UBAP1L: variants seen among roughly 807,000 people sequenced by gnomAD.
UBAP1L encodes the protein ubiquitin-associated protein 1-like.
A neutral mutation model predicts 32.1 loss-of-function variants in UBAP1L; 32 were observed. The observed-to-expected ratio is 1.00, with a 90% CI of 0.75 to 1.34. The LOEUF (loss-of-function observed/expected upper bound fraction) is 1.34. Among genes scored for constraint, UBAP1L ranks in the 40% most tolerant of loss-of-function variants. UBAP1L has a pLI of 0.00. For synonymous variants in UBAP1L, 243 were observed against 250.2 expected (o/e 0.97, Z 0.27); for missense variants, 516 against 540.5 (o/e 0.95, Z 0.45).
Position 65,093,117 on chromosome 15 carries a change from G to T in UBAP1L, c.1126C>A (p.Leu376Met). ...GNRREQALEELVACAQ is the reference protein window; with the variant it reads ...GNRREQALEEMVACAQ The stretch of plus-strand genomic sequence containing the variant: ...CGTGGTCACTGGGCACAGGCCACCA[G>T]CTCCTCCAGGGCTTGCTCTCGGCGG... The change falls in exon 6 of 6, where the codon CTG (leucine) becomes ATG (methionine). Residue 376 changes from leucine (L) to methionine (M), a missense_variant. Leu to Met is a conservative substitution (Grantham distance 15). Coordinates refer to ENST00000559089, the MANE Select transcript of UBAP1L (RefSeq NM_001163692.2). The T allele has an allele frequency of 6.5e-7, 1 of 1,549,228 alleles. No homozygotes were observed. The highest frequency in any genetic ancestry group is 8.7e-7 in the Non-Finnish European group (1 of 1,146,502).
At chr15:65,107,995 G>A (rs2087335757) in intron 1 of UBAP1L, among the ~76,000 whole-genome samples, 1 of 151,670 alleles carries the variant, frequency 6.6e-6, no homozygotes, top group Admixed American at 6.6e-5. Context: ...AAATTGGCAA[G>A]CTAATTCTAA....
At chr15:65,109,284 C>T (rs1446410158) in intron 1 of UBAP1L, among the ~76,000 whole-genome samples, 1 of 151,536 alleles carries the variant, frequency 6.6e-6, no homozygotes, top group Admixed American at 6.6e-5. Flanking sequence ...GAGATCGAGA[C>T]CATTCTGGCT....
At chr15:65,101,973 G>A (rs2087244147) in intron 3 of UBAP1L, 133 bp downstream of exon 3, 2 of 354,864 alleles carry the variant, frequency 5.6e-6, no homozygotes, top group Admixed American at 4.8e-5. Flanking sequence ...TACAGGCCCA[G>A]GTGGGAGCAG....
At position 65,106,108 on chromosome 15, in the gene UBAP1L, C is replaced by T. The variant is rs978697910; in HGVS notation, c.108G>A (p.Leu36=). The T allele has an allele frequency of 1.9e-6, 3 of 1,551,266 alleles. No homozygotes were observed. Among genetic ancestry groups the T allele is most frequent in the South Asian group, 2.4e-5 (2 of 84,004 alleles). ...GAGACACACTTACCATAGAACCCAG[C>T]AGAACTTCCCCGCAGGCCGGGACGC... is the stretch of plus-strand genomic sequence containing the variant. The part of the protein sequence containing the change: ...ELSVPACGEV[L]LGSMHDFSLE... The change falls in exon 2 of 6, where the codon CTG becomes CTA. Residue 36 remains leucine (L), a synonymous_variant. Transcript: ENST00000559089.
chr15:65,115,186 C>T lies in UBAP1L; in HGVS notation c.-210G>A, dbSNP rs1234061446. On this transcript the variant is annotated 5_prime_UTR_variant, in exon 1 of 6. Coordinates refer to ENST00000559089, the MANE Select transcript of UBAP1L (RefSeq NM_001163692.2). ...CAGGAGAACTTCCCTGCAGACAAAG[C>T]GTGTATAAATGAATAGCTACAACAG... 6.6e-6 allele frequency: 1 copy of T among 152,164 alleles called. No individual in the cohort carries two copies. Among genetic ancestry groups the T allele is most frequent in the Non-Finnish European group, 1.5e-5 (1 of 68,022 alleles). The allele number at this position is 152,164 out of a possible 1,614,324, so 9.4% of individuals were successfully genotyped here.
intron 2 of UBAP1L, chr15:65,105,836 G>C (rs1455604038): frequency 1.4e-6 from 1 of 697,016 alleles, no homozygotes; most frequent in African/African-American, 1.7e-5. Context: ...CTGTCGCCAG[G>C]CTGAAATGCA....
chr15:65,114,860 A>T (rs1389958968), intron 1 of UBAP1L, among the ~76,000 whole-genome samples: 1 of 152,232 alleles, frequency 6.6e-6, no homozygotes, highest in Non-Finnish European at 1.5e-5. Context: ...TCCAAAAGGC[A>T]AATGAACTCT....
At chr15:65,104,435 G>A (rs8035391) in intron 2 of UBAP1L, among the ~76,000 whole-genome samples, 150,945 of 152,358 alleles carry the variant, frequency 0.99, 74,773 homozygotes, top group Middle Eastern at 1. Context: ...TTAAAATATA[G>A]AAGTTCAATA....
Position 65,102,637 on chromosome 15 carries a change from G to A in UBAP1L, c.168C>T (p.Ala56=), listed in dbSNP as rs1056255774. 2.0e-5 allele frequency: 31 copies of A among 1,549,002 alleles called. No individual in the cohort carries two copies. Among genetic ancestry groups the A allele is most frequent in the East Asian group, 7.3e-5 (3 of 40,870 alleles). Residue 56 remains alanine (A), a synonymous_variant, in exon 3 of 6, where the codon GCC becomes GCT. Transcript: ENST00000559089. This position sits in a 1 kb window ranked among gnomAD's most constrained non-coding sequence, Gnocchi z 5.0. ...ACTGGTACGGGCTGGGTCCCTGGCC[G>A]GCGGCCTCCACCCAGAAGAGTGCCG... is the stretch of plus-strand genomic sequence containing the variant. The part of the protein sequence containing the change: ...ERTALFWVEA[A]GQGPSPYQCG...
At chr15:65,105,949 C>T (rs1461202614) in intron 2 of UBAP1L, 147 bp downstream of exon 2, 6 of 1,169,630 alleles carry the variant, frequency 5.1e-6, no homozygotes. Flanking sequence ...CGTCACCACA[C>T]CCAGCTAATT....
intron 1 of UBAP1L, among the ~76,000 whole-genome samples, chr15:65,109,300 G>A (rs954558849): frequency 8.6e-5 from 13 of 151,696 alleles, no homozygotes; most frequent in Non-Finnish European, 1.5e-4. Context: ...TGGCTAACAT[G>A]GTGAAACCCC....
rs750709741 is a variant in UBAP1L at position 65,094,512 on chromosome 15, T to C, written c.974A>G (p.Asp325Gly). The C allele has an allele frequency of 1.3e-6, 2 of 1,551,454 alleles. No homozygotes were observed. The highest frequency in any genetic ancestry group is 1.7e-6 in the Non-Finnish European group (2 of 1,146,920). ...GAACTGGAACATCTCCATGGCCTCA[T>C]CCACCAGGCCTTCCTCATATCCCTG... ...LRQGYEEGLVDEAMEMFQFSE... is the reference protein window; with the variant it reads ...LRQGYEEGLVGEAMEMFQFSE... Residue 325 changes from aspartate to glycine, a missense_variant, in exon 5 of 6, where the codon GAT becomes GGT. Transcript: ENST00000559089. This position sits in a 1 kb window ranked among gnomAD's most constrained non-coding sequence, Gnocchi z 4.2.
chr15:65,106,720 A>G (rs1233789612), intron 1 of UBAP1L, among the ~76,000 whole-genome samples: 1 of 150,520 alleles, frequency 6.6e-6, no homozygotes, highest in Admixed American at 6.6e-5. Context: ...GCCTCACTGC[A>G]ACCTCCAGCT....
chr15:65,105,854 A>G, intron 2 of UBAP1L: 1 of 690,384 alleles, frequency 1.4e-6, no homozygotes, highest in Non-Finnish European at 2.6e-6. Context: ...GCAGTGGCAC[A>G]ATCTTGGTTC....
intron 1 of UBAP1L, among the ~76,000 whole-genome samples, chr15:65,109,796 G>C (rs567979433): frequency 6.6e-6 from 1 of 152,220 alleles, no homozygotes; most frequent in African/African-American, 2.4e-5. Context: ...ATTAATTTAA[G>C]GTTAAAATTA....
intron 1 of UBAP1L, among the ~76,000 whole-genome samples, chr15:65,111,640 A>T (rs1157115082): frequency 6.6e-6 from 1 of 151,696 alleles, no homozygotes. Context: ...ACCCACCACC[A>T]CGCCTGGCTA....
intron 5 of UBAP1L, 21 bp from the exon 6 acceptor site, chr15:65,093,252 AG>A (rs1056848107): frequency 6.5e-7 from 1 of 1,535,350 alleles, no homozygotes; most frequent in African/African-American, 1.4e-5. Flanking sequence ...GGAGACAGGG[AG>A]GGTGCTGGGG....
At chr15:65,095,637 G>A (rs2087164491) in intron 4 of UBAP1L, 1 of 152,272 alleles carries the variant, frequency 6.6e-6, no homozygotes, top group Non-Finnish European at 1.5e-5. Flanking sequence ...TTTATGGGGT[G>A]TAGGTGCCAA....
intron 1 of UBAP1L, among the ~76,000 whole-genome samples, chr15:65,109,088 C>T (rs539226644): frequency 2.7e-5 from 4 of 145,932 alleles, no homozygotes; most frequent in South Asian, 2.2e-4. Context: ...ACCTGGGAGA[C>T]GGAGGTTGCA....
Sources: allele counts gnomAD v4.1 joint callset (sites outside exome capture counted in the v4.1 genomes callset), GRCh38; gene constraint gnomAD v4.1.1; non-coding constraint Gnocchi (gnomAD v3.1); transcripts MANE v1.5; gene names NCBI Gene and HGNC (gene_info 2026-07-23, HGNC 2026-07-21).